Variants in SNX8 observed in about 807,000 individuals in gnomAD.
The protein encoded by SNX8 is sorting nexin-8.
In SNX8, 25 loss-of-function variants were observed where a neutral mutation model predicts 51.6. The observed-to-expected ratio is 0.48, with a 90% CI of 0.35 to 0.68. The LOEUF is 0.68. Among genes scored for constraint, SNX8 ranks in the 30% least tolerant of loss-of-function variants. The pLI, the probability that SNX8 is intolerant of heterozygous loss-of-function variation, is 0.00. For missense variants in SNX8, 695 were observed against 624.0 expected, an observed-to-expected ratio of 1.11 and a Z score of -1.21; for synonymous variants, 324 against 277.0, an observed-to-expected ratio of 1.17 and a Z score of -1.68.
chr7:2,320,305 T>A (rs1464454813), intron 1 of SNX8, among the ~76,000 whole-genome samples: 1 of 151,502 alleles, frequency 6.6e-6, no homozygotes, highest in Non-Finnish European at 1.5e-5. Flanking sequence ...TGGGGGAGGA[T>A]TTTTTTTAAA....
At chr7:2,260,245 C>A (rs1044082374) in intron 7 of SNX8, among the ~76,000 whole-genome samples, 2 of 152,062 alleles carry the variant, frequency 1.3e-5, no homozygotes, top group Admixed American at 1.3e-4. Context: ...TTACAGGTGC[C>A]CGCCACCACG....
chr7:2,329,494 G>T (rs1377613344), intron 1 of SNX8, among the ~76,000 whole-genome samples: 1 of 152,098 alleles, frequency 6.6e-6, no homozygotes, highest in African/African-American at 2.4e-5. Context: ...CCTTGCTACA[G>T]TGTTTTGTGA....
intron 1 of SNX8, among the ~76,000 whole-genome samples, chr7:2,319,776 C>G (rs1019643192): frequency 6.7e-6 from 1 of 149,792 alleles, no homozygotes; most frequent in East Asian, 2.0e-4. Context: ...GACTGCACCA[C>G]TGCACTCCAG....
chr7:2,284,161 C>CTCAGGT (rs1268860899), intron 1 of SNX8, among the ~76,000 whole-genome samples: 1 of 152,102 alleles, frequency 6.6e-6, no homozygotes, highest in Non-Finnish European at 1.5e-5. Flanking sequence ...AACTCCTGAC[C>CTCAGGT]TCAGGTGATC....
Position 2,300,813 on chromosome 7 carries a change from T to C in SNX8, c.94+13515A>G, listed in dbSNP as rs191312450. Among the ~76,000 whole-genome samples, 509 of 152,204 alleles carry C rather than the reference T, an allele frequency of 3.3e-3. 5 individuals are homozygous for C. Among genetic ancestry groups the C allele is most frequent in the African/African-American group, 0.012 (497 of 41,536 alleles). ...GCATGCCACCACGCCCAGCTAATTTTTGTATTTTTAGTAGAGACGGGGTTT... is the reference window on the plus strand; with the variant it reads ...GCATGCCACCACGCCCAGCTAATTTCTGTATTTTTAGTAGAGACGGGGTTT... On this transcript the variant is annotated intron_variant, in intron 1 of 10. Coordinates refer to ENST00000222990, the MANE Select transcript of SNX8 (RefSeq NM_013321.4).
intron 1 of SNX8, among the ~76,000 whole-genome samples, chr7:2,343,630 G>T (rs1293503675): frequency 1.3e-5 from 2 of 151,954 alleles, no homozygotes; most frequent in African/African-American, 4.8e-5. Flanking sequence ...AGCCAACATG[G>T]TGCCACTGCC....
At chr7:2,265,337 CT>C (rs1156934919) in intron 5 of SNX8, among the ~76,000 whole-genome samples, 9 of 151,556 alleles carry the variant, frequency 5.9e-5, no homozygotes, top group African/African-American at 2.2e-4. Flanking sequence ...GAGACTCCGT[CT>C]CAAAAACTAA....
At chr7:2,304,607 A>C (rs1796506137) in intron 1 of SNX8, among the ~76,000 whole-genome samples, 1 of 152,054 alleles carries the variant, frequency 6.6e-6, no homozygotes, top group South Asian at 2.1e-4. Flanking sequence ...CCCCTCACTG[A>C]GTAGCCCACC....
intron 1 of SNX8, among the ~76,000 whole-genome samples, chr7:2,334,936 T>C (rs1482014063): frequency 1.5e-5 from 2 of 131,292 alleles, no homozygotes; most frequent in African/African-American, 3.0e-5. Flanking sequence ...TCATTTACAA[T>C]AGCCAGAGGT....
chr7:2,306,488 A>T (rs1281753000), intron 1 of SNX8, among the ~76,000 whole-genome samples: 13 of 152,124 alleles, frequency 8.5e-5, no homozygotes. Flanking sequence ...CTCTAACTGA[A>T]ATTTTTTTTA....
intron 1 of SNX8, among the ~76,000 whole-genome samples, chr7:2,296,746 C>A (rs1409347832): frequency 6.6e-6 from 1 of 151,754 alleles, no homozygotes; most frequent in African/African-American, 2.4e-5. Context: ...GCCTAGCCAA[C>A]ATGGTTAAAC....
intron 1 of SNX8, among the ~76,000 whole-genome samples, chr7:2,289,668 CA>C (rs1185203256): frequency 6.6e-6 from 1 of 152,134 alleles, no homozygotes; most frequent in Admixed American, 6.6e-5. Flanking sequence ...ATTGCCAAGG[CA>C]ATACTGCAGT....
intron 5 of SNX8, among the ~76,000 whole-genome samples, chr7:2,265,889 A>G (rs1190249048): frequency 6.6e-6 from 1 of 152,034 alleles, no homozygotes; most frequent in Non-Finnish European, 1.5e-5. Context: ...TGCCAGGAGG[A>G]TTGCTTGAGG....
intron 7 of SNX8, among the ~76,000 whole-genome samples, chr7:2,261,280 A>G (rs1472256561): frequency 6.6e-6 from 1 of 152,156 alleles, no homozygotes; most frequent in East Asian, 1.9e-4. Flanking sequence ...TAAAAATACA[A>G]AAATTAGCCG....
At chr7:2,329,197 G>C (rs1373184014) in intron 1 of SNX8, among the ~76,000 whole-genome samples, 1 of 151,704 alleles carries the variant, frequency 6.6e-6, no homozygotes, top group Non-Finnish European at 1.5e-5. Flanking sequence ...CTTGAACCCA[G>C]GAGGCGGAGG....
At chr7:2,281,303 C>G (rs1031504570) in intron 1 of SNX8, among the ~76,000 whole-genome samples, 2 of 151,954 alleles carry the variant, frequency 1.3e-5, no homozygotes, top group Non-Finnish European at 2.9e-5. Context: ...CCTGTAGTCC[C>G]AGCTACTCAG....
intron 7 of SNX8, among the ~76,000 whole-genome samples, chr7:2,262,726 C>A (rs187780404): frequency 6.5e-4 from 99 of 152,340 alleles, no homozygotes; most frequent in African/African-American, 2.2e-3. Context: ...TCGCTGGCAA[C>A]CCCCTCTCGA....
intron 1 of SNX8, among the ~76,000 whole-genome samples, chr7:2,322,433 A>T (rs902476402): frequency 6.6e-6 from 1 of 151,702 alleles, no homozygotes; most frequent in African/African-American, 2.4e-5. Context: ...CGTGGCTCAC[A>T]CCTGTAATCC....
At chr7:2,311,330 CAT>C (rs1457717906) in intron 1 of SNX8, among the ~76,000 whole-genome samples, 5 of 152,202 alleles carry the variant, frequency 3.3e-5, no homozygotes, top group African/African-American at 1.2e-4. Context: ...AAGTCACACA[CAT>C]AGTCTCCGGA....
Sources: allele counts gnomAD v4.1 joint callset (sites outside exome capture counted in the v4.1 genomes callset), GRCh38; gene constraint gnomAD v4.1.1; transcripts MANE v1.5; gene names NCBI Gene and HGNC (gene_info 2026-07-23, HGNC 2026-07-21).